The following DNAJC15 variants were observed in gnomAD, a reference collection of about 807,000 sequenced individuals.
DNAJC15 encodes the protein dnaJ homolog subfamily C member 15.
Under a neutral mutation model 22.4 loss-of-function variants are expected in DNAJC15, and 27 were observed. The ratio of observed to expected loss-of-function variants is 1.20; its 90% CI spans 0.89 to 1.66. DNAJC15 has a LOEUF of 1.66. DNAJC15 is among the 40% of genes most tolerant of loss of function. DNAJC15 has a pLI of 0.00. For synonymous variants in DNAJC15, 79 were observed against 63.2 expected (o/e 1.25, Z -1.19); for missense variants, 208 against 187.1 (o/e 1.11, Z -0.65).
chr13:43,050,426 C>T lies in DNAJC15; in HGVS notation c.109-15260C>T, dbSNP rs371826890. On this transcript the variant is annotated intron_variant, in intron 1 of 5. Coordinates refer to ENST00000379221, the MANE Select transcript of DNAJC15 (RefSeq NM_013238.3). ...GCTCAAGCAATCCTTCCACTTCAGG[C>T]TCCCAAGCAGCCAGGACTACAGGCA... is the stretch of plus-strand genomic sequence containing the variant. Among the ~76,000 whole-genome samples, 105 of 152,012 alleles carry T rather than the reference C, an allele frequency of 6.9e-4. 1 individual carries two copies. The South Asian group carries it at 0.013, about 20-fold the overall frequency.
At chr13:43,037,118 T>C (rs536608660) in intron 1 of DNAJC15, among the ~76,000 whole-genome samples, 1 of 152,280 alleles carries the variant, frequency 6.6e-6, no homozygotes, top group East Asian at 1.9e-4. Context: ...TGCCTCCCGC[T>C]CTGCAGCCAA....
intron 1 of DNAJC15, among the ~76,000 whole-genome samples, chr13:43,055,953 A>G (rs1404196288): frequency 6.6e-6 from 1 of 152,126 alleles, no homozygotes; most frequent in East Asian, 1.9e-4. Flanking sequence ...ATGTCAGTTC[A>G]GTTCAAATAC....
In DNAJC15 at chr13:43,107,244, A is replaced by T. The variant is rs756760442; in HGVS notation, c.449A>T (p.His150Leu). The change falls in exon 6 of 6, where the codon CAT becomes CTT. Residue 150 changes from histidine (H) to leucine (L), a missense_variant. Transcript: ENST00000379221. ...GACTTGCTAGAAACAACCACCAAAC[A>T]TTGATGCTTAAGGACCACACTGAAG... is the stretch of plus-strand genomic sequence containing the variant. ...AKDLLETTTKH is the reference protein window; with the variant it reads ...AKDLLETTTKL 6.3e-7 allele frequency: 1 copy of T among 1,588,760 alleles called. No individual in the cohort carries two copies. The highest frequency in any genetic ancestry group is 1.2e-5 in the South Asian group (1 of 86,642).
intron 5 of DNAJC15, among the ~76,000 whole-genome samples, chr13:43,106,128 A>G (rs183523156): frequency 6.6e-6 from 1 of 152,308 alleles, no homozygotes; most frequent in Non-Finnish European, 1.5e-5. Flanking sequence ...AAAGGCCAGA[A>G]AAAAGTCAGA....
intron 5 of DNAJC15, among the ~76,000 whole-genome samples, chr13:43,098,127 G>A (rs1048602589): frequency 1.3e-5 from 2 of 152,096 alleles, no homozygotes; most frequent in Admixed American, 1.3e-4. Flanking sequence ...CTTAAAATGT[G>A]GCATGTATAT....
At chr13:43,096,068 G>A (rs757532162) in intron 5 of DNAJC15, among the ~76,000 whole-genome samples, 14 of 151,914 alleles carry the variant, frequency 9.2e-5, no homozygotes, top group Non-Finnish European at 1.8e-4. Context: ...ATTTTTAGCA[G>A]GTTTGTTTGT....
At chr13:43,054,584 T>C (rs1295941966) in intron 1 of DNAJC15, among the ~76,000 whole-genome samples, 1 of 152,160 alleles carries the variant, frequency 6.6e-6, no homozygotes, top group Non-Finnish European at 1.5e-5. Flanking sequence ...GTCTCACTTA[T>C]TGTTATTGGT....
chr13:43,062,064 T>C (rs1426070193), intron 1 of DNAJC15, among the ~76,000 whole-genome samples: 1 of 152,188 alleles, frequency 6.6e-6, no homozygotes, highest in Middle Eastern at 3.2e-3. Context: ...TGGATTTTTT[T>C]TTTCTTTTTG....
intron 2 of DNAJC15, among the ~76,000 whole-genome samples, chr13:43,067,600 C>T (rs982544076): frequency 2.0e-5 from 3 of 152,128 alleles, no homozygotes; most frequent in African/African-American, 7.2e-5. Context: ...TTCCCAAACT[C>T]GTATTACTGA....
chr13:43,055,534 A>G (rs991854781), intron 1 of DNAJC15, among the ~76,000 whole-genome samples: 1 of 152,174 alleles, frequency 6.6e-6, no homozygotes, highest in African/African-American at 2.4e-5. Context: ...CTGTTCGACC[A>G]AGAGCCTTGG....
intron 5 of DNAJC15, among the ~76,000 whole-genome samples, chr13:43,090,921 G>A (rs1418184984): frequency 1.3e-5 from 2 of 151,878 alleles, no homozygotes; most frequent in African/African-American, 4.8e-5. Flanking sequence ...TGTTAGCCAG[G>A]ATGGTCTCCT....
chr13:43,064,709 T>A (rs2040575035), intron 1 of DNAJC15, among the ~76,000 whole-genome samples: 1 of 152,204 alleles, frequency 6.6e-6, no homozygotes, highest in Non-Finnish European at 1.5e-5. Flanking sequence ...TGTGATCATC[T>A]GGAACCAATG....
intron 5 of DNAJC15, among the ~76,000 whole-genome samples, chr13:43,090,709 CT>C (rs5803165): frequency 0.32 from 44,684 of 139,282 alleles, 7,317 homozygotes; most frequent in South Asian, 0.48. Flanking sequence ...TTCTTTCTTT[CT>C]TTTTTTTTTT....
At chr13:43,074,477 C>A (rs899502065) in intron 3 of DNAJC15, among the ~76,000 whole-genome samples, 57 of 152,226 alleles carry the variant, frequency 3.7e-4, no homozygotes, top group African/African-American at 1.3e-3. Context: ...TTGTTCCTTA[C>A]AGTAATCTCA....
intron 5 of DNAJC15, among the ~76,000 whole-genome samples, chr13:43,101,041 G>A (rs970360313): frequency 2.0e-5 from 3 of 152,160 alleles, no homozygotes; most frequent in African/African-American, 7.2e-5. Context: ...TGGTTTCAAA[G>A]TTTACTTTGT....
intron 5 of DNAJC15, among the ~76,000 whole-genome samples, chr13:43,100,373 A>C (rs1035767071): frequency 1.3e-5 from 2 of 151,674 alleles, no homozygotes; most frequent in Non-Finnish European, 2.9e-5. Flanking sequence ...TTGCTCAGCT[A>C]ATTTTTTTAT....
At chr13:43,026,925 T>G (rs1200555579) in intron 1 of DNAJC15, among the ~76,000 whole-genome samples, 1 of 152,178 alleles carries the variant, frequency 6.6e-6, no homozygotes, top group African/African-American at 2.4e-5. Flanking sequence ...GTTAAATAAC[T>G]TTTTCTTAGG....
At chr13:43,029,988 G>C (rs976950152) in intron 1 of DNAJC15, among the ~76,000 whole-genome samples, 8 of 143,678 alleles carry the variant, frequency 5.6e-5, no homozygotes, top group Admixed American at 5.4e-4. Context: ...ACAGCCTTCA[G>C]GAATTAAAAA....
In DNAJC15 at chr13:43,078,716, G is replaced by A. The variant is rs529784919; in HGVS notation, c.311+28G>A. The A allele has an allele frequency of 2.5e-6, 4 of 1,597,034 alleles. No homozygotes were observed. In the African/African-American group the frequency reaches 4.0e-5, roughly 16 times the overall value. The stretch of plus-strand genomic sequence containing the variant: ...AGGTGTGCAGCATAAGTATTGTTTT[G>A]TTGTGTGGCCAAGCTTGTCTTTAAA... On this transcript the variant is annotated intron_variant, in intron 4 of 5. Coordinates refer to ENST00000379221, the MANE Select transcript of DNAJC15 (RefSeq NM_013238.3).
Sources: allele counts gnomAD v4.1 joint callset (sites outside exome capture counted in the v4.1 genomes callset), GRCh38; gene constraint gnomAD v4.1.1; transcripts MANE v1.5; gene names NCBI Gene and HGNC (gene_info 2026-07-23, HGNC 2026-07-21).